Variants in ITGA1 observed in about 807,000 individuals in gnomAD.
ITGA1 encodes integrin subunit alpha 1.
Under a neutral mutation model 145.9 loss-of-function variants are expected in ITGA1, and 85 were observed. The ratio of observed to expected loss-of-function variants is 0.58; its 90% CI spans 0.49 to 0.70. ITGA1 has a LOEUF of 0.70. Among genes scored for constraint, ITGA1 ranks in the 30% least tolerant of loss-of-function variants. The pLI is 0.00. For missense variants in ITGA1, 1,351 were observed against 1,418.7 expected, an observed-to-expected ratio of 0.95 and a Z score of 0.77; for synonymous variants, 520 against 495.3, an observed-to-expected ratio of 1.05 and a Z score of -0.66.
chr5:52,788,211 C>T lies in ITGA1; in HGVS notation c.-143C>T, dbSNP rs929538523. The T allele has an allele frequency of 2.4e-5, 13 of 538,050 alleles. No homozygotes were observed. The highest frequency in any genetic ancestry group is 4.1e-5 in the Non-Finnish European group (13 of 319,668). 33.3% of individuals were successfully genotyped at this position (538,050 alleles called of 1,614,324 possible). A position where few individuals can be genotyped will look rare whatever the true frequency, so the allele number is the denominator to read the frequency against. On this transcript the variant is annotated 5_prime_UTR_variant, in exon 1 of 29. Transcript: ENST00000282588. Reference sequence around the variant, plus strand: ...AAAACACAGGAAATCACTCCTCTCCCGCTCCTGGGCGCCGCTGCCACTGGG... The same window carrying T: ...AAAACACAGGAAATCACTCCTCTCCTGCTCCTGGGCGCCGCTGCCACTGGG...
rs1240403327 is a variant in ITGA1, at chr5:52,925,314, T to C, written c.2440T>C (p.Cys814Arg). Reference protein sequence around the residue: ...FAKDCGNKEKCISDLSLHVAT... With the variant: ...FAKDCGNKEKRISDLSLHVAT... ...CAAAGATTGTGGAAATAAGGAAAAA[T>C]GTATCTCAGACCTCAGCCTGCATGT... is the stretch of plus-strand genomic sequence containing the variant. Residue 814 changes from cysteine (C) to arginine (R), a missense_variant, in exon 19 of 29, where the codon TGT becomes CGT. By Grantham distance (180) the Cys-to-Arg change is radical (BLOSUM62 -3). Coordinates refer to ENST00000282588, the MANE Select transcript of ITGA1 (RefSeq NM_181501.2). The C allele has an allele frequency of 1.2e-6, 2 of 1,614,050 alleles. No homozygotes were observed. Among genetic ancestry groups the C allele is most frequent in the South Asian group, 2.2e-5 (2 of 91,082 alleles).
intron 1 of ITGA1, chr5:52,803,219 T>C (rs548285982): frequency 1.3e-5 from 2 of 152,346 alleles, no homozygotes; most frequent in South Asian, 2.1e-4. Context: ...TTATTTCTTA[T>C]TGGGAACTGA....
rs1315713413 is a variant in ITGA1 at position 52,925,276 on chromosome 5, A to G, written c.2404-2A>G. ...AAAAATTCTTTCCTGTCATCATTTC[A>G]GATTCCCTTTGCCAAAGATTGTGGA... On this transcript the variant is annotated splice_acceptor_variant, in intron 18 of 28. Coordinates refer to ENST00000282588, the MANE Select transcript of ITGA1 (RefSeq NM_181501.2). LOFTEE classifies it high-confidence loss of function. 6.2e-7 allele frequency: 1 copy of G among 1,611,958 alleles called. No homozygotes were observed.
chr5:52,952,063 G>T (rs1413878365), intron 28 of ITGA1, among the ~76,000 whole-genome samples: 1 of 151,956 alleles, frequency 6.6e-6, no homozygotes, highest in African/African-American at 2.4e-5. Context: ...GGTGGTGCAT[G>T]CCTGTAGTCC....
At chr5:52,933,819 G>C (rs986387778) in intron 22 of ITGA1, 75 bp from the exon 23 acceptor site, 2 of 649,882 alleles carry the variant, frequency 3.1e-6, no homozygotes, top group African/African-American at 3.8e-5. Context: ...ACATGATATG[G>C]AGAAAGAAAA....
rs1293369023 is a variant in ITGA1 at position 52,956,069 on chromosome 5, A to C, written c.*3618A>C. ...TGGAAATATTTGCACCAAAAGAAAA[A>C]AGTGCCATTGTTGTGATCAATGGAG... On this transcript the variant is annotated 3_prime_UTR_variant, in exon 29 of 29. Transcript: ENST00000282588. 6.6e-6 allele frequency: 1 copy of C among 152,124 alleles called. No individual in the cohort carries two copies. The highest frequency in any genetic ancestry group is 1.5e-5 in the Non-Finnish European group (1 of 68,034). 9.4% of individuals were successfully genotyped at this position (152,124 alleles called of 1,614,324 possible).
chr5:52,934,378 A>C (rs1343015375), intron 23 of ITGA1, among the ~76,000 whole-genome samples: 1 of 151,674 alleles, frequency 6.6e-6, no homozygotes, highest in Non-Finnish European at 1.5e-5. Flanking sequence ...TATCAGTGTG[A>C]CTGAGAAAAG....
intron 20 of ITGA1, among the ~76,000 whole-genome samples, chr5:52,929,052 A>G (rs1406106223): frequency 1.3e-5 from 2 of 152,180 alleles, no homozygotes; most frequent in Non-Finnish European, 2.9e-5. Context: ...GTTTTACTTA[A>G]CATGTTTCTT....
chr5:52,802,076 A>G (rs1554040732), intron 1 of ITGA1: 2 of 428,694 alleles, frequency 4.7e-6, no homozygotes, highest in South Asian at 3.4e-5. Flanking sequence ...AATTTTTTAT[A>G]GGAATTATGA....
intron 6 of ITGA1, among the ~76,000 whole-genome samples, chr5:52,875,052 A>T (rs1047895659): frequency 6.6e-6 from 1 of 152,246 alleles, no homozygotes; most frequent in Non-Finnish European, 1.5e-5. Context: ...GAATTTGCTT[A>T]TAAGTCTAAA....
intron 1 of ITGA1, among the ~76,000 whole-genome samples, chr5:52,844,878 A>G (rs899935551): frequency 9.2e-5 from 14 of 152,196 alleles, no homozygotes; most frequent in Non-Finnish European, 1.5e-4. Context: ...TAGTATAACA[A>G]AATTCACATT....
intron 6 of ITGA1, among the ~76,000 whole-genome samples, chr5:52,872,649 C>A (rs1339653863): frequency 6.9e-6 from 1 of 145,812 alleles, no homozygotes; most frequent in Non-Finnish European, 1.5e-5. Context: ...ACCTCCGCCT[C>A]CCGGGTTCAA....
At chr5:52,860,325 A>G (rs973139809) in intron 2 of ITGA1, among the ~76,000 whole-genome samples, 2 of 152,186 alleles carry the variant, frequency 1.3e-5, no homozygotes, top group African/African-American at 4.8e-5. Flanking sequence ...AGGTGGGCGG[A>G]TCACGTGGTC....
rs930327154 is a variant in ITGA1 at position 52,958,508 on chromosome 5, C to G, written c.*6057C>G. On this transcript the variant is annotated 3_prime_UTR_variant, in exon 29 of 29. Transcript: ENST00000282588. ...AGCAACATCTCAGACCCTCTTCACT[C>G]TAGAACCGTTTTATACAAGAGAACT... 1.3e-5 allele frequency: 2 copies of G among 152,202 alleles called. No individual in the cohort carries two copies. The highest frequency in any genetic ancestry group is 2.9e-5 in the Non-Finnish European group (2 of 68,044). 9.4% of individuals were successfully genotyped at this position (152,202 alleles called of 1,614,324 possible).
chr5:52,858,156 C>A (rs998618221), intron 2 of ITGA1, among the ~76,000 whole-genome samples: 1 of 152,170 alleles, frequency 6.6e-6, no homozygotes, highest in Admixed American at 6.6e-5. Flanking sequence ...TATGACACTT[C>A]AAGCAAATAA....
chr5:52,915,486 G>A lies in ITGA1; in HGVS notation c.1880G>A (p.Gly627Asp). 6.2e-7 allele frequency: 1 copy of A among 1,614,074 alleles called. No homozygotes were observed. The highest frequency in any genetic ancestry group is 8.5e-7 in the Non-Finnish European group (1 of 1,179,970). ...YAQRIPSGGD[G>D]KTLKFFGQSI... ...CAGCGTATTCCATCAGGTGGGGATG[G>A]TAAGACACTGAAATTTTTTGGCCAG... The change falls in exon 15 of 29, where the codon GGT becomes GAT. Residue 627 changes from glycine (G) to aspartate (D), a missense_variant. By Grantham distance (94) the Gly-to-Asp change is moderately conservative. Transcript: ENST00000282588.
intron 14 of ITGA1, among the ~76,000 whole-genome samples, chr5:52,914,956 C>A (rs577114683): frequency 1.1e-3 from 161 of 152,190 alleles, no homozygotes; most frequent in Non-Finnish European, 2.0e-3. Flanking sequence ...ACTTTTAGGA[C>A]AATTTTTGAA....
intron 11 of ITGA1, 128 bp from the exon 12 acceptor site, chr5:52,905,635 G>GA (rs201440677): frequency 0.01 from 7,908 of 787,938 alleles, 87 homozygotes; most frequent in Middle Eastern, 0.02. Flanking sequence ...GTGCATTGAA[G>GA]AAAAAATATT....
chr5:52,889,233 C>T (rs1243354205), intron 8 of ITGA1, among the ~76,000 whole-genome samples: 1 of 152,104 alleles, frequency 6.6e-6, no homozygotes, highest in African/African-American at 2.4e-5. Context: ...TCCCAAGTAG[C>T]TGGGACCACA....
Sources: allele counts gnomAD v4.1 joint callset (sites outside exome capture counted in the v4.1 genomes callset), GRCh38; gene constraint gnomAD v4.1.1; transcripts MANE v1.5; gene names NCBI Gene and HGNC (gene_info 2026-07-23, HGNC 2026-07-21).